The following IGF2BP2 variants were observed in gnomAD, a reference collection of about 807,000 sequenced individuals.
IGF2BP2 encodes insulin-like growth factor 2 mRNA-binding protein 2.
Under a neutral mutation model 75.8 loss-of-function variants are expected in IGF2BP2, and 17 were observed. That is an observed-to-expected ratio of 0.22 (90% confidence interval 0.15 to 0.34). IGF2BP2 has a LOEUF of 0.34. Ranked by LOEUF, IGF2BP2 falls within the 10% of genes least tolerant of loss-of-function variation. The pLI is 1.00. For synonymous variants in IGF2BP2, 288 were observed against 295.6 expected (o/e 0.97, Z 0.26); for missense variants, 516 against 772.4 (o/e 0.67, Z 3.93).
chr3:185,732,003 G>T (rs900216075), intron 2 of IGF2BP2, among the ~76,000 whole-genome samples: 3 of 151,866 alleles, frequency 2.0e-5, no homozygotes, highest in Non-Finnish European at 4.4e-5. Flanking sequence ...AGATCATTCC[G>T]GACTTCTTGT....
chr3:185,802,231 A>T (rs1738384595), intron 2 of IGF2BP2, among the ~76,000 whole-genome samples: 1 of 125,504 alleles, frequency 8.0e-6, no homozygotes, highest in Admixed American at 7.3e-5. Context: ...AGGAGCACAC[A>T]GGTAGAGAGG....
intron 10 of IGF2BP2, among the ~76,000 whole-genome samples, chr3:185,665,490 GAA>G (rs1717357172): frequency 2.3e-5 from 2 of 86,102 alleles, no homozygotes; most frequent in African/African-American, 5.8e-5. Context: ...AGAAGGAGGA[GAA>G]GGAGGAGGAG....
intron 12 of IGF2BP2, among the ~76,000 whole-genome samples, chr3:185,653,761 C>G (rs777543948): frequency 9.2e-5 from 14 of 152,090 alleles, no homozygotes; most frequent in Non-Finnish European, 1.8e-4. Flanking sequence ...AGAGCAAATA[C>G]GAAACAAGAA....
chr3:185,722,039 C>T (rs540704834), intron 2 of IGF2BP2: 1 of 270,402 alleles, frequency 3.7e-6, no homozygotes, highest in South Asian at 3.1e-5. Context: ...GATATAAGAT[C>T]ACGGGATCTT....
At chr3:185,782,482 G>A (rs1320623838) in intron 2 of IGF2BP2, among the ~76,000 whole-genome samples, 1 of 151,884 alleles carries the variant, frequency 6.6e-6, no homozygotes, top group Admixed American at 6.6e-5. Context: ...TTTTGGGCAT[G>A]GTGTTCTCTA....
chr3:185,698,276 A>C lies in IGF2BP2; in HGVS notation c.288+23T>G, dbSNP rs375004995. Reference sequence around the variant, plus strand: ...GAAGGGAGAAATGTCTCATCAACCCATTAAAAATTGACACTGGCTTACCTC... The same window carrying C: ...GAAGGGAGAAATGTCTCATCAACCCCTTAAAAATTGACACTGGCTTACCTC... On this transcript the variant is annotated intron_variant, in intron 3 of 15. Coordinates refer to ENST00000382199, the MANE Select transcript of IGF2BP2 (RefSeq NM_006548.6). 304 of 1,605,712 alleles carry C rather than the reference A, an allele frequency of 1.9e-4. 4 individuals are homozygous for C. The South Asian group carries it at 3.0e-3, about 16-fold the overall frequency.
intron 2 of IGF2BP2, among the ~76,000 whole-genome samples, chr3:185,764,643 C>T (rs1732806844): frequency 6.6e-6 from 1 of 152,190 alleles, no homozygotes; most frequent in Non-Finnish European, 1.5e-5. Context: ...ATCATCTTCA[C>T]CATGATTCCC....
At chr3:185,761,261 GT>G (rs1324104187) in intron 2 of IGF2BP2, among the ~76,000 whole-genome samples, 1 of 152,190 alleles carries the variant, frequency 6.6e-6, no homozygotes, top group Non-Finnish European at 1.5e-5. Flanking sequence ...AAAAAAAGAG[GT>G]GTATGTGTGG....
intron 2 of IGF2BP2, among the ~76,000 whole-genome samples, chr3:185,707,915 C>T (rs1027822083): frequency 2.0e-5 from 3 of 152,178 alleles, no homozygotes; most frequent in Admixed American, 6.5e-5. Flanking sequence ...CCAAGGGCTT[C>T]GCTGAACACT....
chr3:185,727,281 AG>A (rs1194124331), intron 2 of IGF2BP2, among the ~76,000 whole-genome samples: 1 of 152,124 alleles, frequency 6.6e-6, no homozygotes, highest in Non-Finnish European at 1.5e-5. Context: ...GAGATCGTTA[AG>A]AACAGCAAGG....
rs116587510 is a variant in IGF2BP2 at position 185,681,242 on chromosome 3, T to A, written c.813-5329A>T. 2.6e-3 allele frequency among the ~76,000 whole-genome samples: 399 copies of A among 152,256 alleles called. 1 individual carries two copies. The highest frequency in any genetic ancestry group is 9.1e-3 in the African/African-American group (378 of 41,558). ...GAATAAATTCAGCAAAATTGCAGGA[T>A]ACAAAAATCAATCAACATGCAAAAA... is the stretch of plus-strand genomic sequence containing the variant. On this transcript the variant is annotated intron_variant, in intron 7 of 15. Transcript: ENST00000382199.
At chr3:185,823,386 G>T (rs1030802365) in intron 1 of IGF2BP2, 173 bp from the exon 2 acceptor site, 3 of 489,598 alleles carry the variant, frequency 6.1e-6, no homozygotes, top group Non-Finnish European at 1.1e-5. Flanking sequence ...AAAGGTGGGC[G>T]CCCCGTGTCT....
intron 2 of IGF2BP2, among the ~76,000 whole-genome samples, chr3:185,760,451 A>G (rs1295929343): frequency 6.6e-6 from 1 of 152,216 alleles, no homozygotes; most frequent in Non-Finnish European, 1.5e-5. Flanking sequence ...GATTTCTAGC[A>G]TATTCACAAA....
chr3:185,800,209 T>C (rs1323828971), intron 2 of IGF2BP2, among the ~76,000 whole-genome samples: 2 of 152,126 alleles, frequency 1.3e-5, no homozygotes, highest in Middle Eastern at 3.4e-3. Context: ...TTCTCACTCA[T>C]AGGTGGGAAA....
At chr3:185,693,960 T>A (rs889418643) in intron 4 of IGF2BP2, among the ~76,000 whole-genome samples, 2 of 152,228 alleles carry the variant, frequency 1.3e-5, no homozygotes, top group African/African-American at 4.8e-5. Context: ...TTTCTTGTTA[T>A]TTTACAAGAT....
chr3:185,668,895 G>A (rs1718088346), intron 10 of IGF2BP2, among the ~76,000 whole-genome samples: 1 of 152,062 alleles, frequency 6.6e-6, no homozygotes, highest in Admixed American at 6.6e-5. Context: ...CAGACCTGAA[G>A]AGCTTAAGTC....
At chr3:185,704,091 G>C (rs939480004) in intron 2 of IGF2BP2, among the ~76,000 whole-genome samples, 1 of 152,112 alleles carries the variant, frequency 6.6e-6, no homozygotes, top group African/African-American at 2.4e-5. Flanking sequence ...GCTCCATGCG[G>C]GATTCTACCC....
intron 1 of IGF2BP2, 59 bp downstream of exon 1, chr3:185,824,724 G>C (rs1444607601): frequency 1.7e-6 from 2 of 1,200,768 alleles, no homozygotes; most frequent in South Asian, 4.1e-5. Flanking sequence ...CCTCCCTCCC[G>C]GCGCCGTCCC....
At chr3:185,702,351 C>CAA (rs1723423123) in intron 2 of IGF2BP2, among the ~76,000 whole-genome samples, 1 of 152,054 alleles carries the variant, frequency 6.6e-6, no homozygotes, top group African/African-American at 2.4e-5. Context: ...TTCCCTCCTT[C>CAA]CTTTAGACAA....
Sources: gnomAD v4.1 joint callset for allele counts (sites outside exome capture counted in the v4.1 genomes callset) on GRCh38, gnomAD v4.1.1 for gene constraint, MANE v1.5 for transcripts, NCBI Gene and HGNC (gene_info 2026-07-23, HGNC 2026-07-21) for gene names.